The following VRK2 variants were observed in gnomAD, a reference collection of about 807,000 sequenced individuals.
VRK2 encodes the protein VRK serine/threonine kinase 2.
Under a neutral mutation model 57.6 loss-of-function variants are expected in VRK2, and 60 were observed. That is an observed-to-expected ratio of 1.04 (90% CI 0.85 to 1.29). The LOEUF (loss-of-function observed/expected upper bound fraction) is 1.29. VRK2 is among the 50% of genes most tolerant of loss of function. The pLI is 0.00. For synonymous variants in VRK2, 231 were observed against 199.2 expected (o/e 1.16, Z -1.35); for missense variants, 705 against 588.1 (o/e 1.20, Z -2.06).
chr2:58,132,255 T>G (rs1440855784), intron 9 of VRK2, among the ~76,000 whole-genome samples: 1 of 152,176 alleles, frequency 6.6e-6, no homozygotes, highest in Non-Finnish European at 1.5e-5. Flanking sequence ...ACAAGTATGT[T>G]GAAGTAGTCT....
intron 1 of VRK2, among the ~76,000 whole-genome samples, chr2:57,988,764 C>T (rs887621162): frequency 1.3e-5 from 2 of 152,190 alleles, no homozygotes; most frequent in African/African-American, 4.8e-5. Flanking sequence ...CAGATTTGAA[C>T]TGAATTACCC....
intron 7 of VRK2, among the ~76,000 whole-genome samples, chr2:58,102,658 G>A (rs1252180507): frequency 1.3e-5 from 2 of 151,448 alleles, no homozygotes; most frequent in African/African-American, 4.8e-5. Flanking sequence ...AATAATGGGA[G>A]ACTTCAACAC....
intron 1 of VRK2, among the ~76,000 whole-genome samples, chr2:57,986,213 T>C (rs2104066395): frequency 6.6e-6 from 1 of 152,100 alleles, no homozygotes; most frequent in Non-Finnish European, 1.5e-5. Context: ...CTCTTCTATA[T>C]TTCTTTAAAA....
intron 2 of VRK2, among the ~76,000 whole-genome samples, chr2:58,065,327 C>G (rs1260004633): frequency 1.3e-5 from 2 of 152,040 alleles, no homozygotes; most frequent in Non-Finnish European, 2.9e-5. Context: ...TATTCTGCAT[C>G]ACTATAGATG....
chr2:58,058,021 G>C (rs564502418), intron 2 of VRK2, among the ~76,000 whole-genome samples: 1 of 152,024 alleles, frequency 6.6e-6, no homozygotes, highest in African/African-American at 2.4e-5. Flanking sequence ...TCTTTAATTT[G>C]CAATCCAAGT....
intron 3 of VRK2, among the ~76,000 whole-genome samples, chr2:58,038,444 G>T (rs1208970876): frequency 1.3e-5 from 2 of 152,060 alleles, no homozygotes; most frequent in African/African-American, 4.8e-5. Context: ...AGAACTTTCC[G>T]GCCTCCTCCT....
chr2:57,966,802 A>G (rs914090026), intron 1 of VRK2, among the ~76,000 whole-genome samples: 9 of 152,210 alleles, frequency 5.9e-5, no homozygotes, highest in African/African-American at 1.4e-4. Context: ...AGGGACAAAA[A>G]TCTTCCAAGA....
chr2:58,084,127 G>A lies in VRK2; in HGVS notation c.175G>A (p.Val59Ile). The change falls in exon 3 of 13, where the codon GTA becomes ATA. Residue 59 changes from valine to isoleucine, a missense_variant. By Grantham distance (29) the Val-to-Ile change is conservative. Transcript: ENST00000340157. ...TNKPEKDARH[V>I]VKVEYQENGP... is the part of the protein sequence containing the mutation. Reference sequence around the variant, plus strand: ...TAAACCAGAGAAAGATGCAAGACATGTAGTAAAAGTGGTAAGTGTTGCTCA... The same window carrying A: ...TAAACCAGAGAAAGATGCAAGACATATAGTAAAAGTGGTAAGTGTTGCTCA... The A allele has an allele frequency of 1.2e-6, 2 of 1,606,718 alleles. No homozygotes were observed. Among genetic ancestry groups the A allele is most frequent in the Non-Finnish European group, 1.7e-6 (2 of 1,175,510 alleles).
chr2:57,968,772 A>T (rs1671999133), intron 1 of VRK2, among the ~76,000 whole-genome samples: 1 of 152,136 alleles, frequency 6.6e-6, no homozygotes, highest in South Asian at 2.1e-4. Flanking sequence ...ATTAGTTAAA[A>T]ATCTAGAGAT....
At position 58,146,360 on chromosome 2, in the gene VRK2, C is replaced by T. The variant is rs773924519; in HGVS notation, c.1068C>T (p.His356=). ...CAACAAAGCAAGTCAACAAGGCACA[C>T]AATAGGTTAATCGAAAAAAAAGTCC... ...KAATKQVNKA[H]NRLIEKKVHS... is the part of the protein sequence containing the mutation. The change falls in exon 12 of 13, where the codon CAC becomes CAT. Residue 356 remains histidine (H), a synonymous_variant. Transcript: ENST00000340157. The T allele has an allele frequency of 6.2e-7, 1 of 1,611,204 alleles. No homozygotes were observed.
intron 7 of VRK2, among the ~76,000 whole-genome samples, chr2:58,117,457 A>AG (rs1263503027): frequency 6.6e-6 from 1 of 152,060 alleles, no homozygotes; most frequent in Non-Finnish European, 1.5e-5. Context: ...TGGCCTGGTG[A>AG]GGAGGGGAGA....
intron 1 of VRK2, among the ~76,000 whole-genome samples, chr2:57,995,853 T>A (rs1435489003): frequency 6.6e-6 from 1 of 152,220 alleles, no homozygotes; most frequent in Non-Finnish European, 1.5e-5. Context: ...TGCCAGCACT[T>A]TTACCCACCA....
chr2:58,067,994 A>G lies in VRK2; in HGVS notation c.137-16095A>G, dbSNP rs919467448. ...ACCCAGCCTGGAGTGCAGTGGCACA[A>G]TCTTGGCTCACTGCAGCCTGCACCT... On this transcript the variant is annotated intron_variant, in intron 2 of 12. Coordinates refer to ENST00000340157, the MANE Select transcript of VRK2 (RefSeq NM_006296.7). Among the ~76,000 whole-genome samples the G allele has an allele frequency of 3.3e-5, 5 of 151,816 alleles. No homozygotes were observed. The East Asian group carries it at 7.8e-4, about 24-fold the overall frequency.
At chr2:58,046,112 T>TG (rs952306972), upstream of VRK2, among the ~76,000 whole-genome samples, 6 of 152,214 alleles carry the variant, frequency 3.9e-5, no homozygotes, top group African/African-American at 1.4e-4. Flanking sequence ...CCCAACGTGC[T>TG]GGGAGTACAG....
intron 1 of VRK2, among the ~76,000 whole-genome samples, chr2:57,925,476 T>C (rs1670501307): frequency 6.6e-6 from 1 of 152,104 alleles, no homozygotes; most frequent in South Asian, 2.1e-4. Flanking sequence ...ATTTTCCAAT[T>C]TATTGGCATA....
chr2:57,961,868 G>C (rs1040727072), intron 1 of VRK2, among the ~76,000 whole-genome samples: 1 of 152,104 alleles, frequency 6.6e-6, no homozygotes. Context: ...CTTGAGCCCA[G>C]AAGTTGGAGA....
intron 8 of VRK2, among the ~76,000 whole-genome samples, chr2:58,130,147 A>G (rs891918498): frequency 2.6e-5 from 4 of 152,162 alleles, no homozygotes; most frequent in African/African-American, 4.8e-5. Context: ...GGAAGGTTCA[A>G]TCTATTTTAA....
chr2:58,047,591 G>A (rs899404494), intron 1 of VRK2: 3 of 411,500 alleles, frequency 7.3e-6, no homozygotes, highest in Admixed American at 6.4e-5. Flanking sequence ...TTTACACTTT[G>A]GAGACTTTAA....
Position 58,142,554 on chromosome 2 carries a change from G to GCTC in VRK2, c.1023+2725_1023+2727dup, listed in dbSNP as rs1042209682. ...AAGTCACTTGCTAGTAGTTCTGGGGGCTCCTGAGTTAGCACCGCCAATCAA... is the reference window on the plus strand; with the variant it reads ...AAGTCACTTGCTAGTAGTTCTGGGGGCTCCTCCTGAGTTAGCACCGCCAATCAA... On this transcript the variant is annotated intron_variant, in intron 11 of 12. Coordinates refer to ENST00000340157, the MANE Select transcript of VRK2 (RefSeq NM_006296.7). Among the ~76,000 whole-genome samples, 22 of 151,868 alleles carry GCTC rather than the reference G, an allele frequency of 1.4e-4. No homozygotes were observed. In the East Asian group the frequency reaches 4.3e-3, roughly 29 times the overall value.
Sources: gnomAD v4.1 joint callset for allele counts (sites outside exome capture counted in the v4.1 genomes callset) on GRCh38, gnomAD v4.1.1 for gene constraint, MANE v1.5 for transcripts, NCBI Gene and HGNC (gene_info 2026-07-23, HGNC 2026-07-21) for gene names.